TENM2: variants seen among roughly 807,000 people sequenced by gnomAD.
TENM2 encodes teneurin-2.
A neutral mutation model predicts 245.2 loss-of-function variants in TENM2; 52 were observed. The ratio of observed to expected loss-of-function variants is 0.21; its 90% CI spans 0.17 to 0.27. TENM2 has a LOEUF of 0.27. Ranked by LOEUF, TENM2 falls within the 10% of genes least tolerant of loss-of-function variation. The probability of loss-of-function intolerance (pLI) is 1.00; values close to 1 mark genes in which losing one functional copy is unlikely to be tolerated. For missense variants in TENM2, 3,046 were observed against 3,666.8 expected (o/e 0.83, Z 4.37); for synonymous variants, 1,363 against 1,438.9 (o/e 0.95, Z 1.19).
chr5:167,798,660 GGCCCTGCTTCAAA>G (rs1162261856), intron 2 of TENM2, among the ~76,000 whole-genome samples: 1 of 152,130 alleles, frequency 6.6e-6, no homozygotes, highest in Non-Finnish European at 1.5e-5. Context: ...GCCTAGGGCC[GGCCCTGCTTCAAA>G]GTGAAACTTC....
rs148811337 is a variant in TENM2 at position 167,458,606 on chromosome 5, G to A, written c.502+83133G>A. On this transcript the variant is annotated intron_variant, in intron 2 of 28. Coordinates refer to ENST00000518659, the Ensembl canonical transcript of TENM2. ...CCATATCTAAGAAAGTAAAGCTGACGTCATGCATAGAAAACTACATCTCAA... is the reference window on the plus strand; with the variant it reads ...CCATATCTAAGAAAGTAAAGCTGACATCATGCATAGAAAACTACATCTCAA... Among the ~76,000 whole-genome samples, 1,494 of 151,422 alleles carry A rather than the reference G, an allele frequency of 9.9e-3. 84 individuals carry two copies. The highest frequency in any genetic ancestry group is 0.086 in the Admixed American group (1,304 of 15,208).
chr5:167,176,532 G>A, the TENM2 span, among the ~76,000 whole-genome samples: 3 of 152,192 alleles, frequency 2.0e-5, no homozygotes, highest in Admixed American at 1.3e-4. Context: ...AGAAAGGAAG[G>A]TATAAATGTA....
At chr5:167,350,332 C>T (rs905373744) in intron 1 of TENM2, among the ~76,000 whole-genome samples, 4 of 151,580 alleles carry the variant, frequency 2.6e-5, no homozygotes, top group Non-Finnish European at 5.9e-5. Context: ...CTATAAAACA[C>T]AACTTCAAAC....
chr5:167,598,156 A>G (rs1390429350), intron 2 of TENM2, among the ~76,000 whole-genome samples: 1 of 152,258 alleles, frequency 6.6e-6, no homozygotes, highest in African/African-American at 2.4e-5. Flanking sequence ...TACTTTACGT[A>G]CCAGGAGAGC....
chr5:167,046,132 A>G, the TENM2 span, among the ~76,000 whole-genome samples: 3 of 152,088 alleles, frequency 2.0e-5, no homozygotes, highest in Non-Finnish European at 4.4e-5. Flanking sequence ...TTAAGAACTC[A>G]CGGGAAAAAA....
At chr5:167,131,690 A>G in the TENM2 span, among the ~76,000 whole-genome samples, 1 of 152,182 alleles carries the variant, frequency 6.6e-6, no homozygotes, top group Non-Finnish European at 1.5e-5. Flanking sequence ...CATTTTTACT[A>G]ATAAAATTGA....
intron 2 of TENM2, among the ~76,000 whole-genome samples, chr5:167,719,856 C>T (rs980468275): frequency 6.6e-6 from 1 of 152,118 alleles, no homozygotes; most frequent in Non-Finnish European, 1.5e-5. Flanking sequence ...TCAACACCCT[C>T]CCACCACCCC....
chr5:167,764,627 C>G (rs770859755), intron 2 of TENM2, among the ~76,000 whole-genome samples: 1 of 152,120 alleles, frequency 6.6e-6, no homozygotes, highest in East Asian at 1.9e-4. Context: ...CTAAATAGAG[C>G]GCATTCTTAG....
intron 2 of TENM2, among the ~76,000 whole-genome samples, chr5:167,522,052 T>G (rs957601924): frequency 1.3e-5 from 2 of 152,266 alleles, no homozygotes; most frequent in African/African-American, 4.8e-5. Context: ...TAAGACATAT[T>G]CTCTTTCATT....
intron 2 of TENM2, among the ~76,000 whole-genome samples, chr5:167,393,592 A>C (rs1761890929): frequency 6.6e-6 from 1 of 152,174 alleles, no homozygotes; most frequent in Admixed American, 6.6e-5. Flanking sequence ...GAACAGAGAA[A>C]TGAAGGTGAA....
intron 2 of TENM2, among the ~76,000 whole-genome samples, chr5:167,694,012 T>C (rs1048817427): frequency 1.3e-5 from 2 of 152,204 alleles, no homozygotes; most frequent in African/African-American, 4.8e-5. Context: ...AATGCACTTT[T>C]CACAATTCCA....
intron 19 of TENM2, among the ~76,000 whole-genome samples, chr5:168,210,600 T>C (rs1258796357): frequency 6.9e-6 from 1 of 144,152 alleles, no homozygotes; most frequent in Non-Finnish European, 1.5e-5. Context: ...GTTATCAGCA[T>C]CATTTAATTA....
chr5:167,091,045 G>A, the TENM2 span, among the ~76,000 whole-genome samples: 1 of 152,140 alleles, frequency 6.6e-6, no homozygotes, highest in African/African-American at 2.4e-5. Context: ...ATGCCTGGCT[G>A]TATGTGAAAC....
At chr5:167,830,005 T>G (rs1300183675) in intron 2 of TENM2, among the ~76,000 whole-genome samples, 16 of 152,270 alleles carry the variant, frequency 1.1e-4, no homozygotes, top group Admixed American at 1.0e-3. Context: ...AAGAATTGCC[T>G]TCTATCCTCC....
intron 10 of TENM2, among the ~76,000 whole-genome samples, chr5:168,121,046 A>G (rs550732903): frequency 1.3e-5 from 2 of 152,302 alleles, no homozygotes; most frequent in Admixed American, 6.5e-5. Flanking sequence ...TCATTTTTCA[A>G]TGACATTTAA....
chr5:167,776,914 G>T (rs562872405), intron 2 of TENM2, among the ~76,000 whole-genome samples: 1 of 152,066 alleles, frequency 6.6e-6, no homozygotes. Context: ...TGACAGCATT[G>T]TTTGTAGCAA....
the TENM2 span, among the ~76,000 whole-genome samples, chr5:167,197,934 G>A: frequency 6.6e-6 from 1 of 151,886 alleles, no homozygotes. Context: ...GAGAAAGGGA[G>A]GGAGGGAGAG....
intron 12 of TENM2, among the ~76,000 whole-genome samples, chr5:168,161,331 C>T (rs1021724151): frequency 6.6e-6 from 1 of 151,952 alleles, no homozygotes; most frequent in Non-Finnish European, 1.5e-5. Context: ...AGATAGGACT[C>T]GAGATAGATA....
At chr5:167,285,622 T>G (rs960868046) in intron 1 of TENM2, among the ~76,000 whole-genome samples, 4 of 152,212 alleles carry the variant, frequency 2.6e-5, no homozygotes, top group African/African-American at 9.7e-5. Flanking sequence ...ACTCTCTTCA[T>G]GTCCAATATT....
Sources: allele counts gnomAD v4.1 joint callset (sites outside exome capture counted in the v4.1 genomes callset), GRCh38; gene constraint gnomAD v4.1.1; transcripts MANE v1.5; gene names NCBI Gene and HGNC (gene_info 2026-07-23, HGNC 2026-07-21).